Variants in TRIM13 observed in about 807,000 individuals in gnomAD.
The protein encoded by TRIM13 is E3 ubiquitin-protein ligase TRIM13.
In TRIM13, 15 loss-of-function variants were observed where a neutral mutation model predicts 27.1. That is an observed-to-expected ratio of 0.55 (90% CI 0.37 to 0.85). The LOEUF (loss-of-function observed/expected upper bound fraction) is 0.85. Ranked by LOEUF, TRIM13 falls within the 40% of genes least tolerant of loss-of-function variation. TRIM13 has a pLI of 0.00. For missense variants in TRIM13, 402 were observed against 472.2 expected (o/e 0.85, Z 1.38); for synonymous variants, 193 against 171.5 (o/e 1.13, Z -0.98).
intron 1 of TRIM13, among the ~76,000 whole-genome samples, chr13:50,000,219 T>C (rs1873854332): frequency 6.6e-6 from 1 of 152,180 alleles, no homozygotes; most frequent in South Asian, 2.1e-4. Context: ...TATGGTTTTA[T>C]TTAAGGTTAG....
At chr13:50,001,069 C>T (rs1052305756) in intron 1 of TRIM13, 1 of 152,318 alleles carries the variant, frequency 6.6e-6, no homozygotes, top group African/African-American at 2.4e-5. Context: ...GTGGGCGGAT[C>T]ACCTGAGGTC....
chr13:50,009,662 G>A (rs1182867612), intron 1 of TRIM13, among the ~76,000 whole-genome samples: 2 of 151,026 alleles, frequency 1.3e-5, no homozygotes, highest in African/African-American at 4.9e-5. Flanking sequence ...ACTTGAACTC[G>A]GGAGGTGGAG....
Position 50,012,789 on chromosome 13 carries a change from C to T in TRIM13, c.849C>T (p.Thr283=). Residue 283 remains threonine, a synonymous_variant, in exon 2 of 2, where the codon ACC becomes ACT. Coordinates refer to ENST00000378182, the MANE Select transcript of TRIM13 (RefSeq NM_213590.3). The part of the protein sequence containing the change: ...PASPLMKNFD[T]SQWEDIKLVD... ...GCCCTTTAATGAAGAACTTTGATAC[C>T]AGTCAGTGGGAAGACATAAAACTAG... 1 of 1,614,038 alleles carries T rather than the reference C, an allele frequency of 6.2e-7. No individual in the cohort carries two copies. Among genetic ancestry groups the T allele is most frequent in the Non-Finnish European group, 8.5e-7 (1 of 1,179,988 alleles).
chr13:50,016,171 T>G lies in TRIM13; in HGVS notation c.*3007T>G. On this transcript the variant is annotated 3_prime_UTR_variant, in exon 2 of 2. Coordinates refer to ENST00000378182, the MANE Select transcript of TRIM13 (RefSeq NM_213590.3). ...GCCTGTAACTTCTGGAAAAGATGAT[T>G]ATTCAAAATAATGTTTTGGGGTAAC... The G allele has an allele frequency of 1.2e-6, 1 of 824,620 alleles. No homozygotes were observed. Among genetic ancestry groups the G allele is most frequent in the South Asian group, 1.8e-5 (1 of 55,426 alleles). The allele number at this position is 824,620 out of a possible 1,614,324, so 51.1% of individuals were successfully genotyped here.
chr13:50,010,430 TA>T (rs1483756184), intron 1 of TRIM13, among the ~76,000 whole-genome samples: 1 of 152,234 alleles, frequency 6.6e-6, no homozygotes, highest in Non-Finnish European at 1.5e-5. Context: ...TGAAATTGTT[TA>T]TGAACCTGTT....
intron 1 of TRIM13, among the ~76,000 whole-genome samples, chr13:50,002,421 C>T (rs151123737): frequency 1.5e-3 from 225 of 152,196 alleles, no homozygotes; most frequent in East Asian, 6.8e-3. Flanking sequence ...CATACTACAG[C>T]AGATTAAACT....
intron 1 of TRIM13, among the ~76,000 whole-genome samples, chr13:50,004,829 A>G (rs1874475934): frequency 6.6e-6 from 1 of 151,456 alleles, no homozygotes. Flanking sequence ...TAATCCCAAC[A>G]CTTAGGGAGG....
At position 50,015,088 on chromosome 13, in the gene TRIM13, AAAAAAAAT is replaced by A. The variant is rs1876252525; in HGVS notation, c.*1926_*1933del. Reference sequence around the variant, plus strand: ...CCCTCCCAGTAATAAAAAAAAAAAAAAAAAAAATATATATATATATATATATATATATA... The same window carrying A: ...CCCTCCCAGTAATAAAAAAAAAAAAAATATATATATATATATATATATATA... On this transcript the variant is annotated 3_prime_UTR_variant, in exon 2 of 2. Coordinates refer to ENST00000378182, the MANE Select transcript of TRIM13 (RefSeq NM_213590.3). 6 of 49,258 alleles carry A rather than the reference AAAAAAAAT, an allele frequency of 1.2e-4. No individual in the cohort carries two copies. Among genetic ancestry groups the A allele is most frequent in the Admixed American group, 2.8e-4 (1 of 3,530 alleles). 3.1% of individuals were successfully genotyped at this position (49,258 alleles called of 1,614,324 possible). A position where few individuals can be genotyped will look rare whatever the true frequency, so the allele number is the denominator to read the frequency against.
intron 1 of TRIM13, among the ~76,000 whole-genome samples, chr13:50,003,074 T>C (rs758930423): frequency 3.6e-4 from 55 of 152,184 alleles, no homozygotes; most frequent in Non-Finnish European, 4.4e-4. Flanking sequence ...TAAGATTAAC[T>C]AGTGTGCTGA....
At chr13:49,998,553 T>C (rs568689246) in intron 1 of TRIM13, among the ~76,000 whole-genome samples, 22 of 152,280 alleles carry the variant, frequency 1.4e-4, no homozygotes, top group African/African-American at 5.1e-4. Flanking sequence ...TTTATGTTTG[T>C]ATAGTTTCGT....
Position 50,012,144 on chromosome 13 carries a change from C to T in TRIM13, c.204C>T (p.Ser68=). ...RKETSATGIN[S]LQVNYSLKGI... ...AAACTTCAGCTACTGGAATTAATAG[C>T]CTGCAGGTTAATTACTCCCTGAAGG... is the stretch of plus-strand genomic sequence containing the variant. The change falls in exon 2 of 2, where the codon AGC becomes AGT. Residue 68 remains serine (S), a synonymous_variant. Transcript: ENST00000378182. The T allele has an allele frequency of 6.2e-7, 1 of 1,614,074 alleles. No individual in the cohort carries two copies. The highest frequency in any genetic ancestry group is 1.1e-5 in the South Asian group (1 of 91,088).
intron 1 of TRIM13, among the ~76,000 whole-genome samples, chr13:50,008,833 T>A: frequency 6.6e-6 from 1 of 151,046 alleles, no homozygotes; most frequent in East Asian, 1.9e-4. Context: ...CTAGGCAATA[T>A]GGTGAGACCT....
At position 50,015,775 on chromosome 13, in the gene TRIM13, A is replaced by G. The variant is rs777138806; in HGVS notation, c.*2611A>G. On this transcript the variant is annotated 3_prime_UTR_variant, in exon 2 of 2. Transcript: ENST00000378182. ...CTCTTTTCTATGAACTTCGTTCTCT[A>G]GTTGATCTCTTAAACCCATACCTGC... The G allele has an allele frequency of 2.4e-5, 38 of 1,614,088 alleles. No homozygotes were observed. The highest frequency in any genetic ancestry group is 3.1e-5 in the Non-Finnish European group (37 of 1,179,986).
At chr13:50,006,907 G>A (rs1594570937) in intron 1 of TRIM13, among the ~76,000 whole-genome samples, 1 of 152,098 alleles carries the variant, frequency 6.6e-6, no homozygotes. Flanking sequence ...CTGGCTGGGC[G>A]TGGTGGCTCA....
intron 1 of TRIM13, among the ~76,000 whole-genome samples, chr13:50,005,540 T>G (rs1384785965): frequency 6.6e-6 from 1 of 151,200 alleles, no homozygotes; most frequent in Non-Finnish European, 1.5e-5. Context: ...CTGGCATGGT[T>G]GTAGGCGCGT....
intron 1 of TRIM13, among the ~76,000 whole-genome samples, chr13:50,007,782 C>CAAAAAAAA (rs34741583): frequency 7.8e-6 from 1 of 127,790 alleles, no homozygotes. Context: ...GACTTAGTCT[C>CAAAAAAAA]AAAAAAAAAA....
chr13:49,997,976 CCAAA>C (rs1873446359), intron 1 of TRIM13, among the ~76,000 whole-genome samples: 2 of 152,104 alleles, frequency 1.3e-5, no homozygotes, highest in South Asian at 4.1e-4. Context: ...TTAAATATAG[CCAAA>C]CATTCATATT....
At chr13:50,007,989 C>T (rs1307654160) in intron 1 of TRIM13, among the ~76,000 whole-genome samples, 4 of 151,632 alleles carry the variant, frequency 2.6e-5, no homozygotes, top group African/African-American at 9.7e-5. Flanking sequence ...ACTGCAAGCT[C>T]TGCCTCCTGG....
In TRIM13 at chr13:50,015,662, T is replaced by A; in HGVS notation, c.*2498T>A. The A allele has an allele frequency of 6.2e-7, 1 of 1,614,160 alleles. No individual in the cohort carries two copies. The highest frequency in any genetic ancestry group is 8.5e-7 in the Non-Finnish European group (1 of 1,180,006). ...GATTTTTGTAGACAGAGATGGTGAT[T>A]TGTTTAGTTTCATCTTAGATTTTTT... On this transcript the variant is annotated 3_prime_UTR_variant, in exon 2 of 2. Transcript: ENST00000378182.
Sources: allele counts gnomAD v4.1 joint callset (sites outside exome capture counted in the v4.1 genomes callset), GRCh38; gene constraint gnomAD v4.1.1; transcripts MANE v1.5; gene names NCBI Gene and HGNC (gene_info 2026-07-23, HGNC 2026-07-21).